CUX1: variants seen among roughly 807,000 people sequenced by gnomAD.
CUX1 encodes cut like homeobox 1.
A neutral mutation model predicts 158.8 loss-of-function variants in CUX1; 31 were observed. The observed-to-expected ratio is 0.20, with a 90% CI of 0.15 to 0.26. The LOEUF is 0.26. CUX1 is among the 10% of genes least tolerant of loss of function. CUX1 has a pLI of 1.00. For missense variants in CUX1, 1,589 were observed against 2,014.6 expected (o/e 0.79, Z 4.04); for synonymous variants, 879 against 862.1 (o/e 1.02, Z -0.34).
intron 2 of CUX1, among the ~76,000 whole-genome samples, chr7:102,009,360 G>A (rs1444264559): frequency 2.0e-5 from 3 of 152,188 alleles, no homozygotes; most frequent in Non-Finnish European, 2.9e-5. Flanking sequence ...CACCTAGGCC[G>A]CACAGCACCC....
chr7:102,132,957 C>T (rs1206317501), intron 8 of CUX1, among the ~76,000 whole-genome samples: 1 of 152,110 alleles, frequency 6.6e-6, no homozygotes, highest in Non-Finnish European at 1.5e-5. Context: ...AGGCGTGAGC[C>T]ACCGCACCCG....
chr7:102,088,059 G>A (rs1000952373), intron 4 of CUX1, among the ~76,000 whole-genome samples: 1 of 151,024 alleles, frequency 6.6e-6, no homozygotes, highest in Non-Finnish European at 1.5e-5. Flanking sequence ...GTGCAGTGGT[G>A]CAATCTTGGC....
chr7:102,274,112 C>T (rs1278468885), intron 15 of CUX1: 6 of 834,500 alleles, frequency 7.2e-6, no homozygotes, highest in Non-Finnish European at 1.2e-5. Flanking sequence ...CTCCTGCAGC[C>T]AGCCTGCACC....
chr7:102,050,213 T>C (rs556425759), intron 3 of CUX1, among the ~76,000 whole-genome samples: 6 of 152,310 alleles, frequency 3.9e-5, no homozygotes, highest in African/African-American at 1.4e-4. Context: ...ATATCTCATG[T>C]CCGCTTCTCT....
chr7:101,957,480 G>C (rs1429075613), intron 2 of CUX1, among the ~76,000 whole-genome samples: 1 of 151,788 alleles, frequency 6.6e-6, no homozygotes, highest in Non-Finnish European at 1.5e-5. Flanking sequence ...CAGCACTTTG[G>C]GAGGCTGAGG....
At chr7:102,089,073 A>G (rs969849482) in intron 4 of CUX1, among the ~76,000 whole-genome samples, 3 of 151,846 alleles carry the variant, frequency 2.0e-5, no homozygotes, top group Non-Finnish European at 4.4e-5. Context: ...TTCTGTGACT[A>G]TATCTTTAAA....
At chr7:102,218,955 G>A (rs1563431165) in intron 20 of CUX1, among the ~76,000 whole-genome samples, 1 of 151,200 alleles carries the variant, frequency 6.6e-6, no homozygotes, top group Non-Finnish European at 1.5e-5. Context: ...CAGGAGGCAG[G>A]GGTGGGAAGA....
At chr7:101,946,340 T>C (rs916222038) in intron 2 of CUX1, among the ~76,000 whole-genome samples, 2 of 151,986 alleles carry the variant, frequency 1.3e-5, no homozygotes, top group South Asian at 2.1e-4. Flanking sequence ...GGAGTTCATT[T>C]TGAGACCAAC....
chr7:101,926,753 C>T (rs953098707), intron 2 of CUX1, among the ~76,000 whole-genome samples: 1 of 152,098 alleles, frequency 6.6e-6, no homozygotes, highest in South Asian at 2.1e-4. Context: ...AGACTTGGTC[C>T]CCTTATGTAT....
intron 16 of CUX1, among the ~76,000 whole-genome samples, chr7:102,274,713 G>A (rs1791479375): frequency 6.6e-6 from 1 of 152,230 alleles, no homozygotes; most frequent in Non-Finnish European, 1.5e-5. Flanking sequence ...CCTGCCGGTG[G>A]CCTGTGAAAG....
At chr7:102,072,067 G>A (rs1254711344) in intron 4 of CUX1, among the ~76,000 whole-genome samples, 1 of 152,184 alleles carries the variant, frequency 6.6e-6, no homozygotes, top group Non-Finnish European at 1.5e-5. Context: ...TGTTACCACT[G>A]GAGGGTGTCC....
chr7:102,279,806 G>A (rs748949510), intron 18 of CUX1, among the ~76,000 whole-genome samples: 11 of 152,304 alleles, frequency 7.2e-5, no homozygotes, highest in South Asian at 2.1e-4. Flanking sequence ...ATCTGTGCCC[G>A]GAGGCACTGT....
At chr7:101,929,524 TTC>T (rs1314095096) in intron 2 of CUX1, among the ~76,000 whole-genome samples, 1 of 152,250 alleles carries the variant, frequency 6.6e-6, no homozygotes, top group African/African-American at 2.4e-5. Flanking sequence ...TCTCTGCCTC[TTC>T]TCAGCAAACA....
intron 3 of CUX1, among the ~76,000 whole-genome samples, chr7:102,064,742 G>A (rs1825352977): frequency 6.6e-6 from 1 of 152,122 alleles, no homozygotes; most frequent in African/African-American, 2.4e-5. Context: ...CCTTGCCAGG[G>A]TAGGTCAGTG....
chr7:101,850,741 G>C (rs1796193429), intron 1 of CUX1, among the ~76,000 whole-genome samples: 2 of 152,144 alleles, frequency 1.3e-5, no homozygotes, highest in African/African-American at 2.4e-5. Context: ...AGTGTTAGGT[G>C]TTGACTTACT....
intron 5 of CUX1, among the ~76,000 whole-genome samples, chr7:102,099,392 A>G (rs1563240667): frequency 6.6e-6 from 1 of 152,004 alleles, no homozygotes; most frequent in Non-Finnish European, 1.5e-5. Flanking sequence ...TGCCAGAATC[A>G]CGCCAGTATT....
intron 1 of CUX1, among the ~76,000 whole-genome samples, chr7:101,830,834 A>G (rs1046573878): frequency 6.6e-6 from 1 of 152,282 alleles, no homozygotes; most frequent in South Asian, 2.1e-4. Flanking sequence ...TTTAAAGACA[A>G]AATATGCAAA....
intron 2 of CUX1, among the ~76,000 whole-genome samples, chr7:101,935,388 G>T (rs913173300): frequency 1.3e-5 from 2 of 152,068 alleles, no homozygotes; most frequent in African/African-American, 4.8e-5. Flanking sequence ...CAGCTTTATT[G>T]CTCACACAAA....
chr7:101,941,010 C>T (rs972735072), intron 2 of CUX1, among the ~76,000 whole-genome samples: 9 of 152,232 alleles, frequency 5.9e-5, no homozygotes, highest in Non-Finnish European at 1.2e-4. Flanking sequence ...AGTTTATTTG[C>T]ATACTGTAAA....
Sources: allele counts gnomAD v4.1 joint callset (sites outside exome capture counted in the v4.1 genomes callset), GRCh38; gene constraint gnomAD v4.1.1; transcripts MANE v1.5; gene names NCBI Gene and HGNC (gene_info 2026-07-23, HGNC 2026-07-21).